EFCAB6: variants seen among roughly 807,000 people sequenced by gnomAD.
EFCAB6 encodes the protein EF-hand calcium-binding domain-containing protein 6.
A neutral mutation model predicts 169.8 loss-of-function variants in EFCAB6; 156 were observed. The observed-to-expected ratio is 0.92, with a 90% CI of 0.81 to 1.05. The LOEUF is 1.05. Among genes scored for constraint, EFCAB6 ranks in the 50% least tolerant of loss-of-function variants. The probability of loss-of-function intolerance (pLI) is 0.00; values close to 1 mark genes in which losing one functional copy is unlikely to be tolerated. For synonymous variants in EFCAB6, 698 were observed against 676.4 expected, an observed-to-expected ratio of 1.03 and a Z score of -0.50; for missense variants, 1,800 against 1,829.1, an observed-to-expected ratio of 0.98 and a Z score of 0.29.
chr22:43,798,252 C>T (rs1005484442), intron 2 of EFCAB6, among the ~76,000 whole-genome samples: 2 of 151,762 alleles, frequency 1.3e-5, no homozygotes, highest in African/African-American at 4.8e-5. Context: ...GGTGTGGTGG[C>T]GGGTGCCCAT....
Position 43,735,839 on chromosome 22 carries a change from G to A in EFCAB6, c.644+18C>T, listed in dbSNP as rs770074856. 11 of 1,611,280 alleles carry A rather than the reference G, an allele frequency of 6.8e-6. No homozygotes were observed. Among genetic ancestry groups the A allele is most frequent in the East Asian group, 2.2e-5 (1 of 44,854 alleles). On this transcript the variant is annotated intron_variant, in intron 7 of 31. Coordinates refer to ENST00000262726, the MANE Select transcript of EFCAB6 (RefSeq NM_022785.4). ...AAGTTCTACTGAGCAATCTCTCACC[G>A]TGCCTTCATTTGCTTACTTTTCGTA...
chr22:43,678,771 A>G lies in EFCAB6; in HGVS notation c.1252-608T>C, dbSNP rs142564269. 1.2e-3 allele frequency among the ~76,000 whole-genome samples: 177 copies of G among 152,322 alleles called. 2 individuals carry two copies. The highest frequency in any genetic ancestry group is 9.8e-4 in the Non-Finnish European group (67 of 68,026). Reference sequence around the variant, plus strand: ...TTTATCAATAAGTAGACTGAACACCAAAATTGAGAGATACTGTTTATTGGA... The same window carrying G: ...TTTATCAATAAGTAGACTGAACACCGAAATTGAGAGATACTGTTTATTGGA... On this transcript the variant is annotated intron_variant, in intron 12 of 31. Coordinates refer to ENST00000262726, the MANE Select transcript of EFCAB6 (RefSeq NM_022785.4).
At chr22:43,664,427 A>C (rs1033980875) in intron 17 of EFCAB6, among the ~76,000 whole-genome samples, 3 of 152,256 alleles carry the variant, frequency 2.0e-5, no homozygotes, top group African/African-American at 7.2e-5. Flanking sequence ...GGGGAGGGCA[A>C]GCAAACAGAC....
chr22:43,605,599 G>A (rs925865929), intron 22 of EFCAB6, among the ~76,000 whole-genome samples: 65 of 151,522 alleles, frequency 4.3e-4, no homozygotes, highest in African/African-American at 1.6e-3. Context: ...GCTGAGAATC[G>A]TGCCACTGCA....
At chr22:43,753,470 A>G (rs2060842693) in intron 6 of EFCAB6, among the ~76,000 whole-genome samples, 1 of 152,206 alleles carries the variant, frequency 6.6e-6, no homozygotes, top group Non-Finnish European at 1.5e-5. Context: ...CTCCTCCTCA[A>G]AACAGAGAGC....
chr22:43,647,528 T>C (rs1160911249), intron 17 of EFCAB6, among the ~76,000 whole-genome samples: 1 of 152,166 alleles, frequency 6.6e-6, no homozygotes, highest in Non-Finnish European at 1.5e-5. Context: ...GGGTTATACA[T>C]TGTTGTCGGT....
At chr22:43,700,602 G>A (rs544767699) in intron 10 of EFCAB6, among the ~76,000 whole-genome samples, 2 of 152,240 alleles carry the variant, frequency 1.3e-5, no homozygotes, top group East Asian at 3.9e-4. Context: ...CGGTCCCCTC[G>A]TGCTGCACCT....
chr22:43,653,122 A>G (rs2056560387), intron 17 of EFCAB6, among the ~76,000 whole-genome samples: 1 of 152,202 alleles, frequency 6.6e-6, no homozygotes, highest in South Asian at 2.1e-4. Flanking sequence ...AAAGGAGTCC[A>G]GGGAGGGAGG....
intron 3 of EFCAB6, among the ~76,000 whole-genome samples, chr22:43,776,290 A>G (rs1356013019): frequency 1.3e-5 from 2 of 152,242 alleles, no homozygotes; most frequent in African/African-American, 4.8e-5. Context: ...GAATTGATTC[A>G]TTCGAAAAAT....
chr22:43,634,510 AGAG>A (rs2055230855), intron 18 of EFCAB6, among the ~76,000 whole-genome samples: 1 of 152,178 alleles, frequency 6.6e-6, no homozygotes, highest in Non-Finnish European at 1.5e-5. Context: ...GTGCAGCAAA[AGAG>A]AAGAGTATTC....
chr22:43,537,519 C>T lies in EFCAB6; in HGVS notation c.3906G>A (p.Pro1302=), dbSNP rs1359344601. 23 of 1,613,750 alleles carry T rather than the reference C, an allele frequency of 1.4e-5. No individual in the cohort carries two copies. The highest frequency in any genetic ancestry group is 4.4e-5 in the South Asian group (4 of 91,028). Reference sequence around the variant, plus strand: ...CACAGTTCTGCAAGGGTGGAGTGCCCGGGATCACGGTGGTGCTCGCTGGAG... The same window carrying T: ...CACAGTTCTGCAAGGGTGGAGTGCCTGGGATCACGGTGGTGCTCGCTGGAG... ...PCTPASTTVI[P]GTPPLQNCDP... Residue 1302 remains proline, a synonymous_variant, in exon 29 of 32, where the codon CCG becomes CCA. Coordinates refer to ENST00000262726, the MANE Select transcript of EFCAB6 (RefSeq NM_022785.4). The surrounding 1 kb of genome is among the most constrained non-coding windows in gnomAD (Gnocchi z 4.3).
intron 9 of EFCAB6, among the ~76,000 whole-genome samples, chr22:43,713,951 CAG>C (rs1308235177): frequency 2.6e-5 from 4 of 151,874 alleles, no homozygotes; most frequent in Admixed American, 6.6e-5. Flanking sequence ...TGGAAGAAGA[CAG>C]AATATAAAAG....
At chr22:43,674,979 C>A (rs1432829357) in intron 13 of EFCAB6, among the ~76,000 whole-genome samples, 1 of 151,984 alleles carries the variant, frequency 6.6e-6, no homozygotes, top group Non-Finnish European at 1.5e-5. Context: ...CAGGCTTCCA[C>A]AAGACACATA....
chr22:43,629,067 G>A (rs939550484), intron 19 of EFCAB6, among the ~76,000 whole-genome samples: 11 of 152,190 alleles, frequency 7.2e-5, no homozygotes, highest in Admixed American at 7.2e-4. Flanking sequence ...CTATCTACTA[G>A]GGAAGCAAGA....
At chr22:43,644,779 G>A (rs1466014493) in intron 17 of EFCAB6, among the ~76,000 whole-genome samples, 1 of 152,214 alleles carries the variant, frequency 6.6e-6, no homozygotes, top group African/African-American at 2.4e-5. Context: ...CTAGAATTGT[G>A]TTTAGATGGC....
intron 2 of EFCAB6, among the ~76,000 whole-genome samples, chr22:43,791,047 TACTGAATAGGTC>T (rs1208653288): frequency 6.6e-6 from 1 of 152,168 alleles, no homozygotes; most frequent in African/African-American, 2.4e-5. Context: ...CAAGTAGATA[TACTGAATAGGTC>T]ACTGAATACA....
At chr22:43,755,016 T>G (rs2060904097) in intron 6 of EFCAB6, among the ~76,000 whole-genome samples, 1 of 152,212 alleles carries the variant, frequency 6.6e-6, no homozygotes, top group Admixed American at 6.5e-5. Flanking sequence ...TGGTATCAGC[T>G]AGGGAAATTG....
At chr22:43,536,339 T>A (rs2047381854) in intron 29 of EFCAB6, 1 of 152,206 alleles carries the variant, frequency 6.6e-6, no homozygotes, top group Non-Finnish European at 1.5e-5. Flanking sequence ...TTTAATAGGC[T>A]CTAACTTAAA....
At chr22:43,718,900 C>T (rs1484033366) in intron 8 of EFCAB6, among the ~76,000 whole-genome samples, 1 of 152,206 alleles carries the variant, frequency 6.6e-6, no homozygotes, top group Non-Finnish European at 1.5e-5. Flanking sequence ...CAAGGGCCCT[C>T]GCTGAAAGAT....
Sources: allele counts gnomAD v4.1 joint callset (sites outside exome capture counted in the v4.1 genomes callset), GRCh38; gene constraint gnomAD v4.1.1; non-coding constraint Gnocchi (gnomAD v3.1); transcripts MANE v1.5; gene names NCBI Gene and HGNC (gene_info 2026-07-23, HGNC 2026-07-21).